HNF4A: variants seen among roughly 807,000 people sequenced by gnomAD.
The protein encoded by HNF4A is hepatocyte nuclear factor 4-alpha.
HNF4A carries 15 observed loss-of-function variants against 52.4 expected under a neutral mutation model. That is an observed-to-expected ratio of 0.29 (90% CI 0.19 to 0.44). The LOEUF is 0.44. Among genes scored for constraint, HNF4A ranks in the 20% least tolerant of loss-of-function variants. HNF4A has a pLI of 1.00. For missense variants in HNF4A, 479 were observed against 647.2 expected (o/e 0.74, Z 2.82); for synonymous variants, 280 against 264.4 (o/e 1.06, Z -0.57).
intron 1 of HNF4A, among the ~76,000 whole-genome samples, chr20:44,387,656 G>GT (rs1491127103): frequency 3.4e-5 from 1 of 29,248 alleles, no homozygotes; most frequent in African/African-American, 1.5e-4. Context: ...GGAGGCAGGC[G>GT]GGGGGGGGGG....
chr20:44,380,395 A>G (rs1780961673), intron 1 of HNF4A, among the ~76,000 whole-genome samples: 2 of 152,132 alleles, frequency 1.3e-5, no homozygotes, highest in South Asian at 4.1e-4. Flanking sequence ...CCTTGACTCA[A>G]GTGGTCCTCC....
rs145880201 is a variant in HNF4A at position 44,424,223 on chromosome 20, T to A, written c.1098T>A (p.Ile366=). The change falls in exon 8 of 10, where the codon ATT becomes ATA. Residue 366 remains isoleucine (I), a synonymous_variant. Transcript: ENST00000316099. ...TCAAGCTCTTCGGCATGGCCAAGATTGACAACCTGTTGCAGGAGATGCTGC... is the reference window on the plus strand; with the variant it reads ...TCAAGCTCTTCGGCATGGCCAAGATAGACAACCTGTTGCAGGAGATGCTGC... 1.0e-4 allele frequency: 167 copies of A among 1,614,096 alleles called. 1 individual carries two copies. The African/African-American group carries it at 1.9e-3, about 19-fold the overall frequency.
At chr20:44,433,356 T>A (rs891575997), downstream of HNF4A, 4 of 156,666 alleles carry the variant, frequency 2.6e-5, no homozygotes, top group African/African-American at 9.7e-5. Flanking sequence ...AGTGGTTTTT[T>A]TGTTTTGTTT....
chr20:44,358,039 C>A (rs2062876473), intron 1 of HNF4A, among the ~76,000 whole-genome samples: 1 of 149,748 alleles, frequency 6.7e-6, no homozygotes, highest in African/African-American at 2.5e-5. Context: ...GTATGTGTGC[C>A]TATGTGTATG....
At chr20:44,399,078 C>T (rs2063378821), upstream of HNF4A, among the ~76,000 whole-genome samples, 1 of 152,214 alleles carries the variant, frequency 6.6e-6, no homozygotes, top group South Asian at 2.1e-4. Context: ...GTGTTTACCC[C>T]TTGGTCGGAT....
At chr20:44,415,150 G>A (rs1169197738) in intron 5 of HNF4A, among the ~76,000 whole-genome samples, 1 of 152,122 alleles carries the variant, frequency 6.6e-6, no homozygotes, top group Non-Finnish European at 1.5e-5. Context: ...CTGAGCCTCA[G>A]TGTTCTCTTA....
At chr20:44,410,079 C>T (rs3212189) in intron 3 of HNF4A, among the ~76,000 whole-genome samples, 13,728 of 152,230 alleles carry the variant, frequency 0.09, 1,443 homozygotes, top group East Asian at 0.5. Context: ...TCAGGTGATC[C>T]GCCTCGGCCT....
intron 9 of HNF4A, 34 bp downstream of exon 9, chr20:44,428,521 G>A (rs745985266): frequency 6.2e-7 from 1 of 1,604,488 alleles, no homozygotes; most frequent in Non-Finnish European, 8.5e-7. Flanking sequence ...CTTGCAAAGG[G>A]TGAGGATGGG....
At position 44,421,158 on chromosome 20, in the gene HNF4A, G is replaced by C. The variant is rs896999708; in HGVS notation, c.892+1282G>C. Reference sequence around the variant, plus strand: ...TATGTGCTTTTATCTTTCCTTTCTTGTTCTATCAACTGTAGACGGTATCTC... The same window carrying C: ...TATGTGCTTTTATCTTTCCTTTCTTCTTCTATCAACTGTAGACGGTATCTC... On this transcript the variant is annotated intron_variant, in intron 7 of 9. Coordinates refer to ENST00000316099, the MANE Select transcript of HNF4A (RefSeq NM_000457.6). Among the ~76,000 whole-genome samples, 3 of 151,830 alleles carry C rather than the reference G, an allele frequency of 2.0e-5. No individual in the cohort carries two copies. In the East Asian group the frequency reaches 5.8e-4, roughly 29 times the overall value.
intron 1 of HNF4A, among the ~76,000 whole-genome samples, chr20:44,366,698 C>T (rs541798852): frequency 6.6e-6 from 1 of 151,984 alleles, no homozygotes; most frequent in Non-Finnish European, 1.5e-5. Context: ...TGTAGGTAGT[C>T]CACAAACACT....
At chr20:44,370,698 G>A (rs2063024866) in intron 1 of HNF4A, among the ~76,000 whole-genome samples, 1 of 152,160 alleles carries the variant, frequency 6.6e-6, no homozygotes, top group Non-Finnish European at 1.5e-5. Context: ...CACAGTAGGC[G>A]CCCCATAAGT....
At position 44,360,735 on chromosome 20, in the gene HNF4A, A is replaced by C. The variant is rs552457668; in HGVS notation, c.49+4882A>C. 2.0e-5 allele frequency among the ~76,000 whole-genome samples: 3 copies of C among 152,282 alleles called. No homozygotes were observed. The East Asian group carries it at 5.8e-4, about 29-fold the overall frequency. ...CAGGTGAGCCTAATTTTTCCTAGCT[A>C]TGTAGGCCTAGTCCCTTTGACCAAT... On this transcript the variant is annotated intron_variant, in intron 1 of 9. Transcript: ENST00000316673.
rs140343206 is a variant in HNF4A at position 44,379,698 on chromosome 20, T to G, written c.49+23845T>G. On this transcript the variant is annotated intron_variant, in intron 1 of 9. Coordinates refer to the HNF4A transcript ENST00000316673. ...TCCCAGGTAGCTGAGATTACAGGCA[T>G]GTGCCATCACACCCGGATAATTTTT... 4.8e-3 allele frequency among the ~76,000 whole-genome samples: 721 copies of G among 151,520 alleles called. 7 individuals are homozygous for G. Among genetic ancestry groups the G allele is most frequent in the African/African-American group, 0.016 (652 of 41,316 alleles).
intron 1 of HNF4A, among the ~76,000 whole-genome samples, chr20:44,375,138 ATGT>A (rs1470942747): frequency 1.3e-5 from 2 of 152,180 alleles, no homozygotes; most frequent in African/African-American, 4.8e-5. Context: ...ATGATTAGTG[ATGT>A]TGAACATTTT....
chr20:44,409,671 T>C (rs926418259), intron 3 of HNF4A, among the ~76,000 whole-genome samples: 15 of 152,152 alleles, frequency 9.9e-5, no homozygotes, highest in Admixed American at 6.5e-5. Context: ...TTCACTTGTG[T>C]AATTTAGGGA....
rs192617551 is a variant in HNF4A, at chr20:44,388,548, G to C, written c.50-17510G>C. ...GTTCTTTTAGGTAACTAAATCCAAC[G>C]AGCTGTGATTGGTGATCGAACCGAG... On this transcript the variant is annotated intron_variant, in intron 1 of 9. Transcript: ENST00000316673. Among the ~76,000 whole-genome samples the C allele has an allele frequency of 1.3e-3, 193 of 152,182 alleles. 1 individual carries two copies. Among genetic ancestry groups the C allele is most frequent in the African/African-American group, 4.5e-3 (186 of 41,510 alleles).
Position 44,424,402 on chromosome 20 carries a change from C to T in HNF4A, c.1129+148C>T, listed in dbSNP as rs1297654628. On this transcript the variant is annotated intron_variant, in intron 8 of 9. Coordinates refer to ENST00000316099, the MANE Select transcript of HNF4A (RefSeq NM_000457.6). Reference sequence around the variant, plus strand: ...TAACCTGTCTGTGCCTCAGTTTCCTCACCAGAAAAATGGGAACAAGGCAAT... The same window carrying T: ...TAACCTGTCTGTGCCTCAGTTTCCTTACCAGAAAAATGGGAACAAGGCAAT... 6 of 1,375,942 alleles carry T rather than the reference C, an allele frequency of 4.4e-6. No homozygotes were observed. In the South Asian group the frequency reaches 6.2e-5, roughly 14 times the overall value. 85.2% of individuals were successfully genotyped at this position (1,375,942 alleles called of 1,614,324 possible). A position where few individuals can be genotyped will look rare whatever the true frequency, so the allele number is the denominator to read the frequency against.
At chr20:44,369,594 C>T (rs755285326) in intron 1 of HNF4A, among the ~76,000 whole-genome samples, 5 of 152,172 alleles carry the variant, frequency 3.3e-5, no homozygotes, top group Non-Finnish European at 5.9e-5. Context: ...AGCCATGTTT[C>T]ACATCCCAGC....
intron 1 of HNF4A, among the ~76,000 whole-genome samples, chr20:44,368,141 C>CATATATATATATAT (rs756822197): frequency 1.7e-3 from 22 of 12,906 alleles, no homozygotes; most frequent in East Asian, 4.6e-3. Context: ...TGTGTATATA[C>CATATATATATATAT]ATATATATAT....
Sources: allele counts gnomAD v4.1 joint callset (sites outside exome capture counted in the v4.1 genomes callset), GRCh38; gene constraint gnomAD v4.1.1; transcripts MANE v1.5; gene names NCBI Gene and HGNC (gene_info 2026-07-23, HGNC 2026-07-21).